The following SCAPER variants were observed in gnomAD, a reference collection of about 807,000 sequenced individuals.
SCAPER encodes the protein S-phase cyclin A associated protein in the ER.
A neutral mutation model predicts 182.2 loss-of-function variants in SCAPER; 98 were observed. That is an observed-to-expected ratio of 0.54 (90% CI 0.46 to 0.64). The LOEUF is 0.64. SCAPER is among the 30% of genes least tolerant of loss of function. SCAPER has a pLI of 0.00. For synonymous variants in SCAPER, 605 were observed against 564.6 expected (o/e 1.07, Z -1.01); for missense variants, 1,432 against 1,690.0 (o/e 0.85, Z 2.68).
chr15:76,375,796 C>G (rs1403078342), intron 29 of SCAPER, among the ~76,000 whole-genome samples: 1 of 151,988 alleles, frequency 6.6e-6, no homozygotes, highest in Non-Finnish European at 1.5e-5. Context: ...CCAGCCTGGC[C>G]AACATGGCAA....
At chr15:76,553,505 TAGCAC>T (rs1225398944) in intron 23 of SCAPER, among the ~76,000 whole-genome samples, 1 of 152,190 alleles carries the variant, frequency 6.6e-6, no homozygotes, top group African/African-American at 2.4e-5. Context: ...CCACAGTTGC[TAGCAC>T]ACATGAATGA....
chr15:76,746,990 C>A (rs1021978381), intron 15 of SCAPER, among the ~76,000 whole-genome samples: 3 of 152,182 alleles, frequency 2.0e-5, no homozygotes, highest in African/African-American at 7.2e-5. Flanking sequence ...GGCTTTTTTG[C>A]AGATACGAAA....
At chr15:76,903,054 C>A (rs982154871) in intron 1 of SCAPER, among the ~76,000 whole-genome samples, 6 of 90,116 alleles carry the variant, frequency 6.7e-5, no homozygotes, top group Non-Finnish European at 1.6e-4. Flanking sequence ...GAGTGAGACT[C>A]GGTTTCAAAA....
At chr15:76,572,551 A>G (rs959528210) in intron 23 of SCAPER, among the ~76,000 whole-genome samples, 1 of 152,312 alleles carries the variant, frequency 6.6e-6, no homozygotes, top group South Asian at 2.1e-4. Flanking sequence ...GTTGAGCACT[A>G]TCTTGCAAAG....
At chr15:76,471,111 T>TTTTC in intron 25 of SCAPER, 101 bp downstream of exon 25, 1 of 913,002 alleles carries the variant, frequency 1.1e-6, no homozygotes, top group Admixed American at 4.0e-5. Flanking sequence ...TTTTTTTTTT[T>TTTTC]TCATCTGGAG....
chr15:76,705,014 A>C (rs2059172288), intron 18 of SCAPER, among the ~76,000 whole-genome samples: 1 of 152,160 alleles, frequency 6.6e-6, no homozygotes, highest in Admixed American at 6.5e-5. Context: ...TAGAACTAGA[A>C]ATACCATTTG....
chr15:76,617,035 A>T (rs1477959705), intron 22 of SCAPER, among the ~76,000 whole-genome samples: 1 of 152,176 alleles, frequency 6.6e-6, no homozygotes, highest in African/African-American at 2.4e-5. Flanking sequence ...GATCTTGCTC[A>T]TATTAATTTA....
intron 10 of SCAPER, among the ~76,000 whole-genome samples, chr15:76,767,561 T>C (rs1025786339): frequency 6.6e-6 from 1 of 152,008 alleles, no homozygotes; most frequent in Admixed American, 6.5e-5. Context: ...ATAATAAAAA[T>C]ATACATGAGA....
chr15:76,426,228 A>T (rs1438247034), intron 26 of SCAPER, among the ~76,000 whole-genome samples: 1 of 152,236 alleles, frequency 6.6e-6, no homozygotes, highest in Non-Finnish European at 1.5e-5. Flanking sequence ...CTACAGAGGC[A>T]GACAGGCCTC....
intron 15 of SCAPER, among the ~76,000 whole-genome samples, chr15:76,749,988 A>C (rs1247110806): frequency 6.6e-6 from 1 of 152,006 alleles, no homozygotes; most frequent in Non-Finnish European, 1.5e-5. Context: ...ATTTATTATA[A>C]AGGTACAACA....
chr15:76,824,122 G>A (rs2067796705), intron 5 of SCAPER, among the ~76,000 whole-genome samples: 2 of 152,130 alleles, frequency 1.3e-5, no homozygotes, highest in South Asian at 4.1e-4. Context: ...CAAGCAGCTG[G>A]AGCAACCTCA....
rs1431803152 is a variant in SCAPER, at chr15:76,787,134, T to C, written c.772+8146A>G. Among the ~76,000 whole-genome samples the C allele has an allele frequency of 2.6e-5, 4 of 152,128 alleles. No homozygotes were observed. In the East Asian group the frequency reaches 7.7e-4, roughly 29 times the overall value. ...CAGTAACATTTTTGATGTAAATAAG[T>C]TCATTCCAAAAATGTATATAGAAAG... On this transcript the variant is annotated intron_variant, in intron 8 of 31. Coordinates refer to ENST00000563290, the MANE Select transcript of SCAPER (RefSeq NM_020843.4).
intron 21 of SCAPER, among the ~76,000 whole-genome samples, chr15:76,631,954 C>G (rs2053151521): frequency 1.3e-5 from 2 of 152,046 alleles, no homozygotes; most frequent in Admixed American, 6.6e-5. Flanking sequence ...TTTAACAGTC[C>G]CATAGTTCTC....
chr15:76,451,901 G>C (rs2048389809), intron 25 of SCAPER, among the ~76,000 whole-genome samples: 1 of 152,072 alleles, frequency 6.6e-6, no homozygotes, highest in Admixed American at 6.5e-5. Flanking sequence ...ATTATTATAG[G>C]GTATTGGGAA....
At chr15:76,814,280 A>G (rs1421148079) in intron 5 of SCAPER, among the ~76,000 whole-genome samples, 1 of 152,244 alleles carries the variant, frequency 6.6e-6, no homozygotes, top group East Asian at 1.9e-4. Flanking sequence ...GTATGGAACT[A>G]CAAAAAACTT....
intron 21 of SCAPER, among the ~76,000 whole-genome samples, chr15:76,632,390 TCA>T (rs1358035732): frequency 6.6e-6 from 1 of 152,038 alleles, no homozygotes; most frequent in African/African-American, 2.4e-5. Context: ...AGATGGGGTT[TCA>T]CAGTGTCAGC....
chr15:76,371,480 C>T (rs62028377), intron 29 of SCAPER, among the ~76,000 whole-genome samples: 10,286 of 151,594 alleles, frequency 0.068, 388 homozygotes, highest in Middle Eastern at 0.11. Context: ...CCACCACGCT[C>T]GGCTAATTTT....
At chr15:76,706,246 G>C (rs2059258373) in intron 17 of SCAPER, among the ~76,000 whole-genome samples, 1 of 152,162 alleles carries the variant, frequency 6.6e-6, no homozygotes, top group African/African-American at 2.4e-5. Context: ...TTTAAATATG[G>C]CATGTTGAAA....
Position 76,705,812 on chromosome 15 carries a change from A to C in SCAPER, c.2247+91T>G, listed in dbSNP as rs1323801593. 3 of 823,494 alleles carry C rather than the reference A, an allele frequency of 3.6e-6. No homozygotes were observed. In the East Asian group the frequency reaches 8.4e-5, roughly 23 times the overall value. 51.0% of individuals were successfully genotyped at this position (823,494 alleles called of 1,614,324 possible). Reference sequence around the variant, plus strand: ...TTTGTTGTGCAAAGATTAAGAATACAAATTAATTCAATTTTTTTCCTACAA... The same window carrying C: ...TTTGTTGTGCAAAGATTAAGAATACCAATTAATTCAATTTTTTTCCTACAA... On this transcript the variant is annotated intron_variant, in intron 18 of 31. Coordinates refer to ENST00000563290, the MANE Select transcript of SCAPER (RefSeq NM_020843.4).
Sources: allele counts gnomAD v4.1 joint callset (sites outside exome capture counted in the v4.1 genomes callset), GRCh38; gene constraint gnomAD v4.1.1; transcripts MANE v1.5; gene names NCBI Gene and HGNC (gene_info 2026-07-23, HGNC 2026-07-21).